KAZN: variants seen among roughly 807,000 people sequenced by gnomAD.
The protein encoded by KAZN is kazrin.
KAZN carries 40 observed loss-of-function variants against 87.4 expected under a neutral mutation model. The observed-to-expected ratio is 0.46, with a 90% CI of 0.36 to 0.60. The LOEUF (loss-of-function observed/expected upper bound fraction) is 0.60, where lower values mean the gene tolerates loss of function less well. KAZN is among the 20% of genes least tolerant of loss of function. The probability of loss-of-function intolerance (pLI) is 0.00; values close to 1 mark genes in which losing one functional copy is unlikely to be tolerated. For synonymous variants in KAZN, 466 were observed against 458.3 expected (o/e 1.02, Z -0.22); for missense variants, 898 against 1,073.9 (o/e 0.84, Z 2.29).
intron 1 of KAZN, among the ~76,000 whole-genome samples, chr1:14,880,648 C>T (rs572226495): frequency 6.6e-6 from 1 of 152,122 alleles, no homozygotes; most frequent in African/African-American, 2.4e-5. Flanking sequence ...TGACTTCACT[C>T]GTCTAAATAA....
chr1:14,183,508 C>G (rs372815056), intron 2 of KAZN, among the ~76,000 whole-genome samples: 1 of 152,116 alleles, frequency 6.6e-6, no homozygotes, highest in East Asian at 1.9e-4. Flanking sequence ...ATTTGAAACC[C>G]GATCTTGTGG....
At chr1:14,164,454 T>TTGTGTG (rs59816103) in intron 1 of KAZN, among the ~76,000 whole-genome samples, 1,852 of 144,694 alleles carry the variant, frequency 0.013, 50 homozygotes, top group African/African-American at 0.038. Flanking sequence ...CACTATGGCT[T>TTGTGTG]TGTGTGTGTG....
intron 1 of KAZN, among the ~76,000 whole-genome samples, chr1:14,767,672 T>G (rs1644920257): frequency 6.6e-6 from 1 of 152,210 alleles, no homozygotes; most frequent in African/African-American, 2.4e-5. Flanking sequence ...GAAAGACCTC[T>G]ATAGATGAAT....
intron 2 of KAZN, among the ~76,000 whole-genome samples, chr1:15,008,772 T>C (rs1425830859): frequency 6.6e-6 from 1 of 152,106 alleles, no homozygotes; most frequent in Non-Finnish European, 1.5e-5. Context: ...CAATGGTCCC[T>C]GTGGGCCCAG....
At chr1:14,588,009 C>T (rs1276167098) in intron 2 of KAZN, among the ~76,000 whole-genome samples, 1 of 152,184 alleles carries the variant, frequency 6.6e-6, no homozygotes, top group African/African-American at 2.4e-5. Context: ...ACTGGCATCC[C>T]TGTGGCCTGT....
intron 2 of KAZN, among the ~76,000 whole-genome samples, chr1:14,528,651 A>G (rs1221380617): frequency 6.6e-6 from 1 of 151,314 alleles, no homozygotes; most frequent in African/African-American, 2.4e-5. Flanking sequence ...TGGGAGGTTG[A>G]AACGGGAAGA....
chr1:14,810,086 C>T (rs549115390), intron 1 of KAZN, among the ~76,000 whole-genome samples: 1 of 152,218 alleles, frequency 6.6e-6, no homozygotes, highest in South Asian at 2.1e-4. Flanking sequence ...ACTTCCTTAC[C>T]CAGTAATAAT....
chr1:14,795,684 T>C (rs910296898), intron 1 of KAZN, among the ~76,000 whole-genome samples: 1 of 152,182 alleles, frequency 6.6e-6, no homozygotes, highest in South Asian at 2.1e-4. Context: ...TCCATTCTCA[T>C]CTGTCCCTGC....
At chr1:14,072,104 C>T (rs547599795) in intron 1 of KAZN, among the ~76,000 whole-genome samples, 1 of 152,238 alleles carries the variant, frequency 6.6e-6, no homozygotes, top group Non-Finnish European at 1.5e-5. Flanking sequence ...GCCTCTGTAT[C>T]CTCACCTGTG....
chr1:13,914,295 T>C (rs1377374740), intron 1 of KAZN, among the ~76,000 whole-genome samples: 3 of 152,256 alleles, frequency 2.0e-5, no homozygotes, highest in African/African-American at 7.2e-5. Flanking sequence ...TATGTGAGCC[T>C]GGCAGTTCAT....
chr1:14,343,039 G>A (rs1352448744), intron 2 of KAZN, among the ~76,000 whole-genome samples: 1 of 152,162 alleles, frequency 6.6e-6, no homozygotes, highest in East Asian at 1.9e-4. Flanking sequence ...TACTCAGGAG[G>A]CTGAGGCAGG....
At chr1:15,046,253 A>G (rs2100366299) in intron 4 of KAZN, among the ~76,000 whole-genome samples, 1 of 148,992 alleles carries the variant, frequency 6.7e-6, no homozygotes, top group East Asian at 2.0e-4. Flanking sequence ...AGCCAAGGTC[A>G]AGCCGCTGCA....
chr1:15,107,339 C>A (rs115992032), intron 13 of KAZN, among the ~76,000 whole-genome samples: 1 of 152,182 alleles, frequency 6.6e-6, no homozygotes, highest in Non-Finnish European at 1.5e-5. Flanking sequence ...TTTAATAGAT[C>A]TCTGAGGGTC....
chr1:13,913,507 G>C (rs1215206722), intron 1 of KAZN, among the ~76,000 whole-genome samples: 1 of 152,128 alleles, frequency 6.6e-6, no homozygotes, highest in Non-Finnish European at 1.5e-5. Flanking sequence ...GGAGAGTTTG[G>C]GGCCCTGTAA....
chr1:14,120,416 C>A lies in KAZN; in HGVS notation c.92-60019C>A, dbSNP rs146757378. ...ACGATCAAATCACCTCCCACCAGGC[C>A]CCACCTCCAACACTGGGGACTACAA... On this transcript the variant is annotated intron_variant, in intron 1 of 16. Transcript: ENST00000636203. 3.9e-3 allele frequency among the ~76,000 whole-genome samples: 592 copies of A among 152,208 alleles called. 6 individuals carry two copies. The highest frequency in any genetic ancestry group is 0.013 in the African/African-American group (534 of 41,550).
Position 14,128,696 on chromosome 1 carries a change from G to A in KAZN, c.92-51739G>A, listed in dbSNP as rs138340209. Reference sequence around the variant, plus strand: ...CACATTATGAGATACTGGGGGTTAGGACTTGAACATATGAATTTGGGGGGT... The same window carrying A: ...CACATTATGAGATACTGGGGGTTAGAACTTGAACATATGAATTTGGGGGGT... On this transcript the variant is annotated intron_variant, in intron 1 of 16. Transcript: ENST00000636203. Among the ~76,000 whole-genome samples the A allele has an allele frequency of 6.4e-4, 97 of 152,214 alleles. 2 individuals carry two copies. The East Asian group carries it at 0.018, about 28-fold the overall frequency.
intron 1 of KAZN, among the ~76,000 whole-genome samples, chr1:14,671,684 G>A (rs1293936829): frequency 1.3e-5 from 2 of 152,060 alleles, no homozygotes; most frequent in African/African-American, 2.4e-5. Context: ...ATTTTATGAT[G>A]CCAGCAAAGG....
At chr1:14,992,639 G>GT (rs1206527186) in intron 2 of KAZN, among the ~76,000 whole-genome samples, 1 of 152,012 alleles carries the variant, frequency 6.6e-6, no homozygotes, top group Non-Finnish European at 1.5e-5. Context: ...AGCCTTTATT[G>GT]TTTTTTTGTT....
At chr1:14,403,397 C>T (rs968138150) in intron 2 of KAZN, among the ~76,000 whole-genome samples, 6 of 139,526 alleles carry the variant, frequency 4.3e-5, no homozygotes, top group Non-Finnish European at 1.0e-4. Flanking sequence ...CCTTTACTCC[C>T]CAAACGAAAA....
Sources: gnomAD v4.1 joint callset for allele counts (sites outside exome capture counted in the v4.1 genomes callset) on GRCh38, gnomAD v4.1.1 for gene constraint, MANE v1.5 for transcripts, NCBI Gene and HGNC (gene_info 2026-07-23, HGNC 2026-07-21) for gene names.